RSRC1: variants seen among roughly 807,000 people sequenced by gnomAD.
RSRC1 encodes arginine and serine rich coiled-coil 1, also known as serine/Arginine-related protein 53.
In RSRC1, 39 loss-of-function variants were observed where a neutral mutation model predicts 49.1. The ratio of observed to expected loss-of-function variants is 0.79; its 90% CI spans 0.61 to 1.04. RSRC1 has a LOEUF of 1.04. RSRC1 is among the 50% of genes least tolerant of loss of function. RSRC1 has a pLI of 0.00. For missense variants in RSRC1, 388 were observed against 402.4 expected (o/e 0.96, Z 0.31); for synonymous variants, 143 against 130.8 (o/e 1.09, Z -0.63).
intron 6 of RSRC1, among the ~76,000 whole-genome samples, chr3:158,404,240 G>A (rs559104869): frequency 6.6e-6 from 1 of 151,906 alleles, no homozygotes; most frequent in South Asian, 2.1e-4. Context: ...GAAGTACTTT[G>A]AATTTGAATA....
At chr3:158,288,042 G>A (rs552083534) in intron 4 of RSRC1, among the ~76,000 whole-genome samples, 15 of 151,994 alleles carry the variant, frequency 9.9e-5, no homozygotes, top group African/African-American at 2.9e-4. Flanking sequence ...TTGTTTTTTC[G>A]TAATGAACAA....
chr3:158,382,801 A>G (rs1391967846), intron 6 of RSRC1, among the ~76,000 whole-genome samples: 1 of 152,160 alleles, frequency 6.6e-6, no homozygotes, highest in Non-Finnish European at 1.5e-5. Flanking sequence ...CAGTATTTTC[A>G]TTTGGTCATT....
chr3:158,171,408 T>TC (rs1450503827), intron 3 of RSRC1, among the ~76,000 whole-genome samples: 1 of 152,096 alleles, frequency 6.6e-6, no homozygotes. Flanking sequence ...AGATGGCAAC[T>TC]CCAAGATGAA....
At chr3:158,384,584 C>A (rs912775208) in intron 6 of RSRC1, among the ~76,000 whole-genome samples, 2 of 152,088 alleles carry the variant, frequency 1.3e-5, no homozygotes, top group Admixed American at 6.5e-5. Flanking sequence ...CCAGCAATTG[C>A]TGTGAGTCTT....
At chr3:158,506,602 G>A (rs756306353) in intron 7 of RSRC1, among the ~76,000 whole-genome samples, 3 of 151,678 alleles carry the variant, frequency 2.0e-5, no homozygotes, top group Non-Finnish European at 4.4e-5. Context: ...TCAGGGAAGT[G>A]CAAATTAAAA....
intron 4 of RSRC1, among the ~76,000 whole-genome samples, chr3:158,232,686 T>A (rs1369519790): frequency 1.3e-5 from 2 of 152,072 alleles, no homozygotes; most frequent in African/African-American, 2.4e-5. Flanking sequence ...TTAGCCTATG[T>A]CTGGGGAGCA....
chr3:158,423,448 G>GT (rs1735200086), intron 6 of RSRC1, among the ~76,000 whole-genome samples: 1 of 151,948 alleles, frequency 6.6e-6, no homozygotes, highest in Non-Finnish European at 1.5e-5. Context: ...CTCTGTTTTG[G>GT]TACCAGTACC....
At position 158,233,658 on chromosome 3, in the gene RSRC1, A is replaced by G. The variant is rs1281599670; in HGVS notation, c.494+30413A>G. 2.0e-5 allele frequency among the ~76,000 whole-genome samples: 3 copies of G among 152,280 alleles called. No homozygotes were observed. The East Asian group carries it at 5.8e-4, about 29-fold the overall frequency. On this transcript the variant is annotated intron_variant, in intron 4 of 9. Coordinates refer to ENST00000611884, the MANE Select transcript of RSRC1 (RefSeq NM_001271838.2). The stretch of plus-strand genomic sequence containing the variant: ...AGAAATCAATATTCAAATTTGCTTC[A>G]AAGAATTCATGAAGAGAAACATAAT...
At chr3:158,374,120 A>C (rs995818644) in intron 6 of RSRC1, among the ~76,000 whole-genome samples, 3 of 152,082 alleles carry the variant, frequency 2.0e-5, no homozygotes, top group African/African-American at 7.2e-5. Context: ...TTTTTTGAAT[A>C]CAAGGGGGAA....
intron 4 of RSRC1, among the ~76,000 whole-genome samples, chr3:158,229,193 CAT>C (rs199571474): frequency 0.043 from 4,275 of 100,174 alleles, 459 homozygotes; most frequent in Non-Finnish European, 0.068. Flanking sequence ...TGTAAACATA[CAT>C]ATATGTGTAT....
chr3:158,123,769 TAAAA>T, intron 2 of RSRC1, 93 bp from the exon 3 acceptor site: 1 of 1,185,632 alleles, frequency 8.4e-7, no homozygotes, highest in East Asian at 2.6e-5. Flanking sequence ...AGTGAGACAG[TAAAA>T]ATCAGATGAT....
chr3:158,243,377 G>C (rs966634476), intron 4 of RSRC1, among the ~76,000 whole-genome samples: 1 of 150,828 alleles, frequency 6.6e-6, no homozygotes, highest in African/African-American at 2.4e-5. Context: ...GGTCTTTCTG[G>C]GTTTTCTCTT....
At chr3:158,239,765 C>A (rs943017677) in intron 4 of RSRC1, among the ~76,000 whole-genome samples, 1 of 151,988 alleles carries the variant, frequency 6.6e-6, no homozygotes, top group Non-Finnish European at 1.5e-5. Flanking sequence ...ACTGGAATTT[C>A]TTCTATATTC....
At chr3:158,497,147 C>T (rs1739365047) in intron 7 of RSRC1, among the ~76,000 whole-genome samples, 2 of 152,036 alleles carry the variant, frequency 1.3e-5, no homozygotes, top group Non-Finnish European at 2.9e-5. Context: ...TACAACAGAT[C>T]TCCAGAACTT....
At chr3:158,421,468 G>A (rs186319268) in intron 6 of RSRC1, among the ~76,000 whole-genome samples, 10 of 151,966 alleles carry the variant, frequency 6.6e-5, no homozygotes, top group African/African-American at 1.9e-4. Flanking sequence ...AGGCTAGTAA[G>A]ATCATTGCAG....
At chr3:158,194,447 A>G (rs905772386) in intron 3 of RSRC1, among the ~76,000 whole-genome samples, 1 of 150,302 alleles carries the variant, frequency 6.7e-6, no homozygotes, top group Non-Finnish European at 1.5e-5. Flanking sequence ...CACCCATGAC[A>G]TTCTTCTTTT....
intron 4 of RSRC1, among the ~76,000 whole-genome samples, chr3:158,249,730 A>C (rs1104288): frequency 0.48 from 72,259 of 151,800 alleles, 17,754 homozygotes; most frequent in East Asian, 0.64. Flanking sequence ...AATGGAGTAC[A>C]TGAGATATTT....
At chr3:158,290,897 G>A (rs985470193) in intron 4 of RSRC1, among the ~76,000 whole-genome samples, 2 of 152,134 alleles carry the variant, frequency 1.3e-5, no homozygotes, top group Admixed American at 6.5e-5. Flanking sequence ...AAAATCTACT[G>A]TACATTTTTA....
intron 7 of RSRC1, among the ~76,000 whole-genome samples, chr3:158,516,409 G>A (rs1270303451): frequency 8.6e-5 from 13 of 151,696 alleles, no homozygotes; most frequent in South Asian, 4.2e-4. Flanking sequence ...TAGGCTGCTC[G>A]GGGGTCAGGG....
Sources: gnomAD v4.1 joint callset for allele counts (sites outside exome capture counted in the v4.1 genomes callset) on GRCh38, gnomAD v4.1.1 for gene constraint, MANE v1.5 for transcripts, NCBI Gene and HGNC (gene_info 2026-07-23, HGNC 2026-07-21) for gene names.